Variants in FASTKD1 observed in about 807,000 individuals in gnomAD.
FASTKD1 encodes the protein FAST kinase domain-containing protein 1, mitochondrial.
FASTKD1 carries 94 observed loss-of-function variants against 90.9 expected under a neutral mutation model. The ratio of observed to expected loss-of-function variants is 1.03; its 90% CI spans 0.88 to 1.23. The LOEUF (loss-of-function observed/expected upper bound fraction) is 1.23. FASTKD1 is among the 50% of genes most tolerant of loss of function. The probability of loss-of-function intolerance (pLI) is 0.00; values close to 1 mark genes in which losing one functional copy is unlikely to be tolerated. For missense variants in FASTKD1, 945 were observed against 993.5 expected, an observed-to-expected ratio of 0.95 and a Z score of 0.66; for synonymous variants, 319 against 345.8, an observed-to-expected ratio of 0.92 and a Z score of 0.86.
At chr2:169,556,739 C>A (rs1197416320) in intron 6 of FASTKD1, among the ~76,000 whole-genome samples, 1 of 151,778 alleles carries the variant, frequency 6.6e-6, no homozygotes, top group Non-Finnish European at 1.5e-5. Context: ...ACAGGAGAAT[C>A]GCTTGAACCC....
At position 169,569,384 on chromosome 2, in the gene FASTKD1, C is replaced by A. The variant is rs115925520; in HGVS notation, c.378-132G>T. ...TATACAGGCAGTCCTTATTTCTGGT[C>A]CACTCTTATTTCAATATTCTGATTT... On this transcript the variant is annotated intron_variant, in intron 2 of 14. Transcript: ENST00000453153. The A allele has an allele frequency of 1.3e-3, 1,074 of 798,500 alleles. 8 individuals carry two copies. The African/African-American group carries it at 0.016, about 12-fold the overall frequency. 49.5% of individuals were successfully genotyped at this position (798,500 alleles called of 1,614,324 possible).
chr2:169,562,829 C>T (rs1384819326), intron 4 of FASTKD1, among the ~76,000 whole-genome samples: 2 of 152,084 alleles, frequency 1.3e-5, no homozygotes, highest in South Asian at 2.1e-4. Context: ...ATTATGGGAA[C>T]GAGAGCTCAG....
At chr2:169,553,205 A>C (rs1466443841) in intron 7 of FASTKD1, among the ~76,000 whole-genome samples, 1 of 151,336 alleles carries the variant, frequency 6.6e-6, no homozygotes, top group Admixed American at 6.6e-5. Flanking sequence ...GCATCTCAAA[A>C]AACAACAAAT....
intron 3 of FASTKD1, among the ~76,000 whole-genome samples, chr2:169,563,849 T>A (rs922490863): frequency 3.3e-5 from 5 of 152,152 alleles, no homozygotes; most frequent in Admixed American, 2.6e-4. Flanking sequence ...GTACAATGGA[T>A]AAACTGCACA....
At chr2:169,562,533 A>G (rs1262294392) in intron 4 of FASTKD1, among the ~76,000 whole-genome samples, 1 of 152,068 alleles carries the variant, frequency 6.6e-6, no homozygotes, top group South Asian at 2.1e-4. Context: ...ATGCCTGGCC[A>G]ATGAATTCAT....
intron 7 of FASTKD1, among the ~76,000 whole-genome samples, chr2:169,551,517 C>G (rs186351671): frequency 6.6e-6 from 1 of 152,140 alleles, no homozygotes; most frequent in East Asian, 1.9e-4. Context: ...ATCACACTGA[C>G]CAGGCGCAGT....
Position 169,555,142 on chromosome 2 carries a change from A to C in FASTKD1, c.1196T>G (p.Leu399Arg). Residue 399 changes from leucine (L) to arginine (R), a missense_variant, in exon 7 of 15, where the codon CTT becomes CGT. Transcript: ENST00000453153. ...ATCTTACCTAAGCAGTAATTCTCTAAGTTTCGCAAAAAACTCCTTCCTTTG... is the reference window on the plus strand; with the variant it reads ...ATCTTACCTAAGCAGTAATTCTCTACGTTTCGCAAAAAACTCCTTCCTTTG... ...HFQRKEFFAK[L>R]RELLLSYLKN... 6.2e-7 allele frequency: 1 copy of C among 1,610,284 alleles called. No homozygotes were observed. The highest frequency in any genetic ancestry group is 8.5e-7 in the Non-Finnish European group (1 of 1,179,010).
In FASTKD1 at chr2:169,538,505, C is replaced by T. The variant is rs184093419; in HGVS notation, c.1946-364G>A. 1.7e-4 allele frequency among the ~76,000 whole-genome samples: 26 copies of T among 151,724 alleles called. No individual in the cohort carries two copies. The East Asian group carries it at 3.7e-3, about 22-fold the overall frequency. On this transcript the variant is annotated intron_variant, in intron 10 of 14. Transcript: ENST00000453153. ...CAGCCTGACCAACATGGAGAAACCC[C>T]GTCTATACTAAAGGTACAAAATTAG...
At chr2:169,559,212 A>T (rs1683474309) in intron 5 of FASTKD1, among the ~76,000 whole-genome samples, 1 of 151,736 alleles carries the variant, frequency 6.6e-6, no homozygotes, top group South Asian at 2.1e-4. Context: ...ACCTCAGGTG[A>T]TCCACCTGCC....
intron 14 of FASTKD1, 74 bp from the exon 15 acceptor site, chr2:169,530,000 A>G: frequency 1.0e-6 from 1 of 991,506 alleles, no homozygotes; most frequent in Non-Finnish European, 1.5e-6. Flanking sequence ...ACATATAAGC[A>G]CTACTGATCA....
At chr2:169,558,611 G>A (rs916091685) in intron 5 of FASTKD1, among the ~76,000 whole-genome samples, 14 of 152,062 alleles carry the variant, frequency 9.2e-5, no homozygotes, top group East Asian at 3.9e-4. Context: ...CACCACGCCC[G>A]GCTAATTTTT....
At chr2:169,554,069 C>T (rs1685622399) in intron 7 of FASTKD1, among the ~76,000 whole-genome samples, 1 of 150,568 alleles carries the variant, frequency 6.6e-6, no homozygotes, top group South Asian at 2.1e-4. Flanking sequence ...CATGCCACTG[C>T]ACTCCAGCTT....
Position 169,560,387 on chromosome 2 carries a change from T to G in FASTKD1, c.971A>C (p.Gln324Pro). Reference protein sequence around the residue: ...GPIAGPEEKKQLKSTMLLMSE... With the variant: ...GPIAGPEEKKPLKSTMLLMSE... The stretch of plus-strand genomic sequence containing the variant: ...GTAATGCATTTTAAACTGAACTTAC[T>G]GTTTCTTTTCTTCAGGTCCTGCAAT... The change falls in exon 5 of 15, where the codon CAA becomes CCA. Residue 324 changes from glutamine to proline, a missense_variant and splice_region_variant. Gln to Pro is a moderately conservative substitution (Grantham distance 76). Transcript: ENST00000453153. The G allele has an allele frequency of 6.5e-7, 1 of 1,531,480 alleles. No individual in the cohort carries two copies. The highest frequency in any genetic ancestry group is 8.7e-7 in the Non-Finnish European group (1 of 1,148,478). 94.9% of individuals were successfully genotyped at this position (1,531,480 alleles called of 1,614,324 possible). A position where few individuals can be genotyped will look rare whatever the true frequency, so the allele number is the denominator to read the frequency against.
At chr2:169,536,428 G>C (rs948212897) in intron 12 of FASTKD1, among the ~76,000 whole-genome samples, 3 of 151,574 alleles carry the variant, frequency 2.0e-5, no homozygotes, top group African/African-American at 7.3e-5. Context: ...ATATATTAAG[G>C]TGTCTAAAAA....
chr2:169,538,515 A>T (rs535453977), intron 10 of FASTKD1, among the ~76,000 whole-genome samples: 1 of 151,914 alleles, frequency 6.6e-6, no homozygotes, highest in Admixed American at 6.6e-5. Flanking sequence ...CGTCTATACT[A>T]AAGGTACAAA....
chr2:169,529,876 C>T lies in FASTKD1; in HGVS notation c.2493G>A (p.Arg831=). 1 of 1,613,770 alleles carries T rather than the reference C, an allele frequency of 6.2e-7. No homozygotes were observed. Among genetic ancestry groups the T allele is most frequent in the Non-Finnish European group, 8.5e-7 (1 of 1,179,804 alleles). Residue 831 remains arginine (R), a synonymous_variant, in exon 15 of 15, where the codon CGG becomes CGA. Coordinates refer to ENST00000453153, the MANE Select transcript of FASTKD1 (RefSeq NM_024622.6). ...NSMALSTKDA[R]MDYLRECIFG... ...ATATACATTCTCTCAGGTAGTCCAT[C>T]CGAGCATCCTTTGTTGACAGTGCCA...
intron 12 of FASTKD1, 150 bp downstream of exon 12, chr2:169,537,077 T>C: frequency 1.9e-6 from 1 of 525,272 alleles, no homozygotes. Flanking sequence ...ATTTATTCTA[T>C]TGCTCTTTCT....
chr2:169,572,606 T>A (rs913664909), intron 1 of FASTKD1, among the ~76,000 whole-genome samples: 2 of 151,862 alleles, frequency 1.3e-5, no homozygotes, highest in African/African-American at 4.8e-5. Flanking sequence ...GCTTTCAGGA[T>A]AATTTCTTGC....
chr2:169,533,340 C>T (rs926289075), intron 12 of FASTKD1, among the ~76,000 whole-genome samples: 3 of 152,110 alleles, frequency 2.0e-5, no homozygotes, highest in African/African-American at 7.2e-5. Context: ...TGGTGAAAAA[C>T]TCAGGCACTG....
Sources: gnomAD v4.1 joint callset for allele counts (sites outside exome capture counted in the v4.1 genomes callset) on GRCh38, gnomAD v4.1.1 for gene constraint, MANE v1.5 for transcripts, NCBI Gene and HGNC (gene_info 2026-07-23, HGNC 2026-07-21) for gene names.